Variants in POU2F2 observed in about 807,000 individuals in gnomAD.
POU2F2 encodes POU class 2 homeobox 2.
POU2F2 carries 14 observed loss-of-function variants against 63.5 expected under a neutral mutation model. The ratio of observed to expected loss-of-function variants is 0.22; its 90% CI spans 0.15 to 0.34. The LOEUF (loss-of-function observed/expected upper bound fraction) is 0.34, where lower values mean the gene tolerates loss of function less well. POU2F2 is among the 10% of genes least tolerant of loss of function. The pLI, the probability that POU2F2 is intolerant of heterozygous loss-of-function variation, is 1.00. For missense variants in POU2F2, 607 were observed against 815.2 expected, an observed-to-expected ratio of 0.74 and a Z score of 3.11; for synonymous variants, 306 against 348.6, an observed-to-expected ratio of 0.88 and a Z score of 1.36.
chr19:42,173,104 T>C (rs2034802986), intron 1 of POU2F2, among the ~76,000 whole-genome samples: 1 of 152,110 alleles, frequency 6.6e-6, no homozygotes, highest in African/African-American at 2.4e-5. Flanking sequence ...TTATTATTAT[T>C]AGATCAAGAG....
intron 1 of POU2F2, among the ~76,000 whole-genome samples, chr19:42,126,111 G>T (rs2033173295): frequency 6.6e-6 from 1 of 152,114 alleles, no homozygotes. Context: ...GTAAAATAAG[G>T]TCATTAGGGT....
At chr19:42,190,592 A>G (rs2035065094) in intron 1 of POU2F2, among the ~76,000 whole-genome samples, 1 of 152,054 alleles carries the variant, frequency 6.6e-6, no homozygotes, top group African/African-American at 2.4e-5. Flanking sequence ...GATGGCTCAC[A>G]CCTGTAATCC....
intron 5 of POU2F2, among the ~76,000 whole-genome samples, chr19:42,115,648 G>A (rs561942225): frequency 6.6e-6 from 1 of 152,324 alleles, no homozygotes; most frequent in Non-Finnish European, 1.5e-5. Context: ...GCTGGAGACA[G>A]CTGCCCTTCG....
At chr19:42,098,426 A>C (rs958557106) in intron 7 of POU2F2, among the ~76,000 whole-genome samples, 2 of 151,896 alleles carry the variant, frequency 1.3e-5, no homozygotes, top group East Asian at 1.9e-4. Flanking sequence ...AAAAAAAAAA[A>C]AAACAAAAAG....
intron 5 of POU2F2, among the ~76,000 whole-genome samples, chr19:42,111,910 G>A (rs1238000184): frequency 6.6e-6 from 1 of 152,222 alleles, no homozygotes; most frequent in African/African-American, 2.4e-5. Context: ...GTTCTCCAGT[G>A]TGGGTTCTTC....
chr19:42,110,639 AGACCTG>A (rs2030938733), intron 5 of POU2F2: 2 of 437,350 alleles, frequency 4.6e-6, no homozygotes, highest in South Asian at 3.3e-5. Context: ...TGTTATGGAG[AGACCTG>A]GGCCTTGGAG....
intron 1 of POU2F2, among the ~76,000 whole-genome samples, chr19:42,127,004 C>T (rs1389212665): frequency 6.6e-6 from 1 of 151,912 alleles, no homozygotes; most frequent in African/African-American, 2.4e-5. Context: ...GCAGCCTCGA[C>T]CTCCTGGGGT....
At chr19:42,197,184 C>A (rs2035160215), upstream of POU2F2, among the ~76,000 whole-genome samples, 2 of 152,214 alleles carry the variant, frequency 1.3e-5, no homozygotes, top group Admixed American at 6.5e-5. Context: ...CCACCTCATT[C>A]CCCACCTAAC....
At chr19:42,129,712 GC>G (rs774161356) in intron 1 of POU2F2, among the ~76,000 whole-genome samples, 4 of 152,108 alleles carry the variant, frequency 2.6e-5, no homozygotes, top group Non-Finnish European at 5.9e-5. Flanking sequence ...AGCTGGCCGA[GC>G]CCCCGTCCTC....
At chr19:42,115,970 T>G (rs1014263443) in intron 5 of POU2F2, among the ~76,000 whole-genome samples, 1 of 152,188 alleles carries the variant, frequency 6.6e-6, no homozygotes, top group African/African-American at 2.4e-5. Flanking sequence ...GTGAGCCATC[T>G]ACTAAGCTAT....
At chr19:42,177,829 GA>G (rs927352722), upstream of POU2F2, among the ~76,000 whole-genome samples, 3 of 151,888 alleles carry the variant, frequency 2.0e-5, no homozygotes, top group African/African-American at 7.3e-5. Flanking sequence ...TAGAGACAGA[GA>G]AAAAAGAGAG....
At chr19:42,101,260 C>T (rs371268329) in intron 5 of POU2F2, among the ~76,000 whole-genome samples, 2 of 151,962 alleles carry the variant, frequency 1.3e-5, no homozygotes, top group Admixed American at 6.6e-5. Context: ...TGTCTCCCCC[C>T]ACTCCCTGCC....
At chr19:42,179,841 C>T (rs1471187355), upstream of POU2F2, among the ~76,000 whole-genome samples, 1 of 152,154 alleles carries the variant, frequency 6.6e-6, no homozygotes, top group Non-Finnish European at 1.5e-5. Flanking sequence ...GAACTACCTA[C>T]TACTCCCTGT....
intron 2 of POU2F2, chr19:42,160,274 T>A (rs1050797498): frequency 2.0e-5 from 3 of 152,190 alleles, no homozygotes; most frequent in African/African-American, 7.2e-5. Flanking sequence ...AAGCAGAGAC[T>A]TCTGTGAGAA....
chr19:42,180,758 CCTCT>C (rs2034951304), upstream of POU2F2, among the ~76,000 whole-genome samples: 1 of 152,048 alleles, frequency 6.6e-6, no homozygotes, highest in African/African-American at 2.4e-5. Flanking sequence ...ACAGGGTCTC[CCTCT>C]GTCACCCAGG....
chr19:42,099,748 A>T lies in POU2F2; in HGVS notation c.443T>A (p.Phe148Tyr). 1 of 1,592,704 alleles carries T rather than the reference A, an allele frequency of 6.3e-7. No individual in the cohort carries two copies. The highest frequency in any genetic ancestry group is 8.6e-7 in the Non-Finnish European group (1 of 1,168,424). Residue 148 changes from phenylalanine (F) to tyrosine (Y), a missense_variant, in exon 6 of 15, where the codon TTC (phenylalanine) becomes TAC (tyrosine). Phe to Tyr is a conservative substitution (Grantham distance 22). This residue lies in a region of POU2F2 where 224 missense variants were observed against 264.3 expected (regional missense o/e 0.85). Transcript: ENST00000692977. ...PGHHLQPPAQ[F>Y]LLPQAQQSQP... ...GCTCTGCTGGGCCTGCGGTAGCAGG[A>T]ACTGAGCAGGTGGCTGGAGGTGGTG...
chr19:42,133,333 C>T (rs1442524478), upstream of POU2F2: 1 of 152,252 alleles, frequency 6.6e-6, no homozygotes, highest in Non-Finnish European at 1.5e-5. This position sits in a 1 kb window ranked among gnomAD's most constrained non-coding sequence, Gnocchi z 5.1. Flanking sequence ...TCCCCAACAC[C>T]CTCCCAACAC....
At chr19:42,193,217 CAA>C (rs1046136227) in intron 1 of POU2F2, among the ~76,000 whole-genome samples, 18 of 65,956 alleles carry the variant, frequency 2.7e-4, no homozygotes, top group Non-Finnish European at 2.4e-4. Flanking sequence ...GACTCCGTCT[CAA>C]AAAAAAAAAA....
intron 2 of POU2F2, among the ~76,000 whole-genome samples, chr19:42,141,194 T>A (rs1334558863): frequency 2.0e-5 from 3 of 152,238 alleles, no homozygotes; most frequent in Non-Finnish European, 4.4e-5. Flanking sequence ...AGGGCTCAGT[T>A]TGACATGTTC....
Sources: allele counts gnomAD v4.1 joint callset (sites outside exome capture counted in the v4.1 genomes callset), GRCh38; gene constraint gnomAD v4.1.1; regional missense constraint gnomAD v4.1.1; non-coding constraint Gnocchi (gnomAD v3.1); transcripts MANE v1.5; gene names NCBI Gene and HGNC (gene_info 2026-07-23, HGNC 2026-07-21).